ZBTB38: variants seen among roughly 807,000 people sequenced by gnomAD.
The protein encoded by ZBTB38 is zinc finger and BTB domain containing 38.
ZBTB38 carries 20 observed loss-of-function variants against 76.8 expected under a neutral mutation model. The ratio of observed to expected loss-of-function variants is 0.26; its 90% CI spans 0.18 to 0.38. The LOEUF (loss-of-function observed/expected upper bound fraction) is 0.38. Among genes scored for constraint, ZBTB38 ranks in the 10% least tolerant of loss-of-function variants. The probability of loss-of-function intolerance (pLI) is 1.00; values close to 1 mark genes in which losing one functional copy is unlikely to be tolerated. For synonymous variants in ZBTB38, 504 were observed against 544.2 expected (o/e 0.93, Z 1.03); for missense variants, 1,082 against 1,482.3 (o/e 0.73, Z 4.43).
intron 5 of ZBTB38, among the ~76,000 whole-genome samples, chr3:141,412,513 A>G (rs1325962792): frequency 2.0e-5 from 3 of 151,962 alleles, no homozygotes; most frequent in African/African-American, 7.3e-5. Flanking sequence ...TTTAAAGCAT[A>G]ATTTTTCTAA....
intron 1 of ZBTB38, among the ~76,000 whole-genome samples, chr3:141,334,728 G>T (rs1426197074): frequency 6.6e-6 from 1 of 151,992 alleles, no homozygotes; most frequent in Non-Finnish European, 1.5e-5. Flanking sequence ...CTAGCCCCCT[G>T]CATGCGCTAC....
Position 141,443,262 on chromosome 3 carries a change from G to T in ZBTB38, c.874G>T (p.Val292Phe). Residue 292 changes from valine to phenylalanine, a missense_variant, in exon 6 of 6, where the codon GTT becomes TTT. Around this residue, in one of 8 missense-constraint regions of ZBTB38, gnomAD observed 324 missense variants for 359.1 expected, o/e 0.90. Transcript: ENST00000321464. This position sits in a 1 kb window ranked among gnomAD's most constrained non-coding sequence, Gnocchi z 5.6. ...ACCCCCTCCAGTATCCAACTTAGAG[G>T]TTAATCAAGAAAGAAGTCCACAACC... ...IPPPPVSNLE[V>F]NQERSPQPAA... The T allele has an allele frequency of 1.2e-6, 2 of 1,614,180 alleles. No homozygotes were observed. Among genetic ancestry groups the T allele is most frequent in the Non-Finnish European group, 1.7e-6 (2 of 1,179,990 alleles).
At chr3:141,347,833 T>G (rs1273427667) in intron 1 of ZBTB38, among the ~76,000 whole-genome samples, 1 of 152,242 alleles carries the variant, frequency 6.6e-6, no homozygotes, top group Admixed American at 6.5e-5. Context: ...GTTCCTTCAG[T>G]CCAGGATTGG....
chr3:141,344,111 C>T (rs1943272207), intron 1 of ZBTB38, among the ~76,000 whole-genome samples: 1 of 152,178 alleles, frequency 6.6e-6, no homozygotes, highest in Non-Finnish European at 1.5e-5. Flanking sequence ...TCCACTTTGG[C>T]TATGTTTTAG....
chr3:141,434,769 C>T (rs1039185677), intron 5 of ZBTB38, among the ~76,000 whole-genome samples: 2 of 151,872 alleles, frequency 1.3e-5, no homozygotes, highest in African/African-American at 4.8e-5. Context: ...AAGTACTTTA[C>T]ATATTCGTAC....
chr3:141,378,760 C>A (rs2149131394), intron 2 of ZBTB38, among the ~76,000 whole-genome samples: 1 of 152,310 alleles, frequency 6.6e-6, no homozygotes, highest in South Asian at 2.1e-4. Context: ...GACAGCCCAT[C>A]TCGGATGGAA....
chr3:141,423,959 G>T (rs1360079046), intron 5 of ZBTB38, among the ~76,000 whole-genome samples: 6 of 152,198 alleles, frequency 3.9e-5, no homozygotes, highest in Non-Finnish European at 8.8e-5. Context: ...GATCGGAGAG[G>T]TAATGAGGCC....
At position 141,446,121 on chromosome 3, in the gene ZBTB38, A is replaced by C; in HGVS notation, c.*145A>C. On this transcript the variant is annotated 3_prime_UTR_variant, in exon 6 of 6. Transcript: ENST00000321464. ...AACTCATTTGTGAAAATTCCAGAAA[A>C]AGGATCCTAATATCTACTTTGGGTT... is the stretch of plus-strand genomic sequence containing the variant. 1.3e-6 allele frequency: 1 copy of C among 797,562 alleles called. No individual in the cohort carries two copies. The highest frequency in any genetic ancestry group is 1.8e-6 in the Non-Finnish European group (1 of 554,066). 49.4% of individuals were successfully genotyped at this position (797,562 alleles called of 1,614,324 possible).
chr3:141,400,954 C>CA (rs1491021047), intron 4 of ZBTB38, among the ~76,000 whole-genome samples: 1 of 152,176 alleles, frequency 6.6e-6, no homozygotes, highest in African/African-American at 2.4e-5. Flanking sequence ...CAGGGAAACA[C>CA]AGAGAGCAAT....
chr3:141,335,252 A>C (rs1401984304), intron 1 of ZBTB38, among the ~76,000 whole-genome samples: 2 of 152,238 alleles, frequency 1.3e-5, no homozygotes, highest in Non-Finnish European at 2.9e-5. Context: ...TGTTGCGAGC[A>C]CTAAATGACT....
chr3:141,337,773 T>C (rs1943058430), intron 1 of ZBTB38, among the ~76,000 whole-genome samples: 1 of 152,212 alleles, frequency 6.6e-6, no homozygotes, highest in Admixed American at 6.5e-5. Context: ...TTATCTCAAG[T>C]CCTCACAACA....
At chr3:141,388,184 T>C (rs1947712249) in intron 4 of ZBTB38, 1 of 152,100 alleles carries the variant, frequency 6.6e-6, no homozygotes, top group Admixed American at 6.6e-5. Context: ...GAGTGATGAT[T>C]CAGCTCCATT....
At chr3:141,430,169 G>A (rs1460212294) in intron 5 of ZBTB38, among the ~76,000 whole-genome samples, 3 of 152,232 alleles carry the variant, frequency 2.0e-5, no homozygotes, top group Non-Finnish European at 4.4e-5. Context: ...GGGTTCAAGT[G>A]ATTCTCCTGC....
rs145559216 is a variant in ZBTB38, at chr3:141,357,997, A to G, written c.-738-10624A>G. ...AGATGTTTCCCAATAAAGATCATAC[A>G]CTCTAGTGGGAAGGCTATTATGGTA... On this transcript the variant is annotated intron_variant, in intron 1 of 7. Coordinates refer to the ZBTB38 transcript ENST00000509842. 5.6e-3 allele frequency among the ~76,000 whole-genome samples: 849 copies of G among 152,146 alleles called. 8 individuals carry two copies. Among genetic ancestry groups the G allele is most frequent in the Non-Finnish European group, 5.8e-3 (394 of 68,002 alleles).
rs192661412 is a variant in ZBTB38, at chr3:141,359,672, T to C, written c.-738-8949T>C. ...TGGGCCAGGTGCAGTGGCTCATGCC[T>C]GTAATCCCAGCACTTTGGGAGGCCA... On this transcript the variant is annotated intron_variant, in intron 1 of 7. Coordinates refer to the ZBTB38 transcript ENST00000509842. 3.3e-5 allele frequency among the ~76,000 whole-genome samples: 5 copies of C among 152,358 alleles called. No homozygotes were observed. The East Asian group carries it at 9.6e-4, about 29-fold the overall frequency.
intron 1 of ZBTB38, among the ~76,000 whole-genome samples, chr3:141,343,724 A>T (rs1326101489): frequency 6.6e-6 from 1 of 152,226 alleles, no homozygotes; most frequent in Admixed American, 6.5e-5. Context: ...AGGACCAGGC[A>T]TGGATCAAAG....
At chr3:141,330,708 A>G (rs891524672) in intron 1 of ZBTB38, among the ~76,000 whole-genome samples, 2 of 152,246 alleles carry the variant, frequency 1.3e-5, no homozygotes, top group African/African-American at 4.8e-5. Context: ...TGAGGCCTTT[A>G]AGAGTTGATT....
chr3:141,444,729 A>G lies in ZBTB38; in HGVS notation c.2341A>G (p.Thr781Ala). 6.2e-7 allele frequency: 1 copy of G among 1,614,172 alleles called. No individual in the cohort carries two copies. Among genetic ancestry groups the G allele is most frequent in the Non-Finnish European group, 8.5e-7 (1 of 1,180,040 alleles). ...PKSIKEKKKT[T>A]SHTRGEIPEE... ...AAGCATTAAGGAGAAAAAGAAAACT[A>G]CATCACATACCAGGGGAGAAATACC... Residue 781 changes from threonine to alanine, a missense_variant, in exon 6 of 6, where the codon ACA (threonine) becomes GCA (alanine). This residue lies in a region of ZBTB38 where 471 missense variants were observed against 581.0 expected (regional missense o/e 0.81). Coordinates refer to ENST00000321464, the MANE Select transcript of ZBTB38 (RefSeq NM_001376113.1). The surrounding 1 kb of genome is among the most constrained non-coding windows in gnomAD (Gnocchi z 5.1).
chr3:141,370,848 C>T (rs1944443830), intron 2 of ZBTB38, among the ~76,000 whole-genome samples: 1 of 152,120 alleles, frequency 6.6e-6, no homozygotes, highest in Admixed American at 6.5e-5. Context: ...TCTGCTCCCC[C>T]AACTATGAGC....
Sources: allele counts gnomAD v4.1 joint callset (sites outside exome capture counted in the v4.1 genomes callset), GRCh38; gene constraint gnomAD v4.1.1; regional missense constraint gnomAD v4.1.1; non-coding constraint Gnocchi (gnomAD v3.1); transcripts MANE v1.5; gene names NCBI Gene and HGNC (gene_info 2026-07-23, HGNC 2026-07-21).